The following MGST1 variants were observed in gnomAD, a reference collection of about 807,000 sequenced individuals.
The protein encoded by MGST1 is microsomal glutathione S-transferase 1.
MGST1 carries 5 observed loss-of-function variants against 8.9 expected under a neutral mutation model. The observed-to-expected ratio is 0.56, with a 90% confidence interval of 0.29 to 1.19. The LOEUF is 1.19. Among genes scored for constraint, MGST1 ranks in the 50% most tolerant of loss-of-function variants. The pLI is 0.08. For synonymous variants in MGST1, 54 were observed against 67.8 expected, an observed-to-expected ratio of 0.80 and a Z score of 1.00; for missense variants, 182 against 187.4, an observed-to-expected ratio of 0.97 and a Z score of 0.17.
At chr12:16,479,176 G>C (rs1414422456) in intron 4 of MGST1, among the ~76,000 whole-genome samples, 2 of 147,052 alleles carry the variant, frequency 1.4e-5, no homozygotes, top group Non-Finnish European at 3.0e-5. Flanking sequence ...CCCTTTTTAT[G>C]CTTGATAATA....
At chr12:16,387,570 A>G (rs1412373905) in intron 1 of MGST1, among the ~76,000 whole-genome samples, 1 of 147,820 alleles carries the variant, frequency 6.8e-6, no homozygotes, top group Non-Finnish European at 1.5e-5. Flanking sequence ...TCTGTTGCCC[A>G]GGCTGGAGTG....
intron 4 of MGST1, among the ~76,000 whole-genome samples, chr12:16,499,345 C>A (rs1411222272): frequency 1.3e-5 from 2 of 152,160 alleles, no homozygotes; most frequent in Non-Finnish European, 2.9e-5. Flanking sequence ...ATTTTTCAGG[C>A]AGTCTCTCTC....
intron 1 of MGST1, among the ~76,000 whole-genome samples, chr12:16,430,230 C>G (rs906034009): frequency 1.3e-5 from 2 of 152,150 alleles, no homozygotes; most frequent in African/African-American, 4.8e-5. Context: ...GTCGTTGCCT[C>G]CTCTACTGAA....
At chr12:16,358,006 C>T (rs1372391178) in intron 3 of MGST1, among the ~76,000 whole-genome samples, 1 of 152,146 alleles carries the variant, frequency 6.6e-6, no homozygotes, top group Non-Finnish European at 1.5e-5. Context: ...GGAGTTTTAT[C>T]GTCTTTGTCC....
intron 1 of MGST1, among the ~76,000 whole-genome samples, chr12:16,402,876 A>G (rs1940669481): frequency 6.6e-6 from 1 of 150,928 alleles, no homozygotes; most frequent in Admixed American, 6.6e-5. Flanking sequence ...TATAGAAAGA[A>G]GTATTGTGGG....
chr12:16,489,345 T>C (rs1591743441), intron 4 of MGST1, among the ~76,000 whole-genome samples: 1 of 152,092 alleles, frequency 6.6e-6, no homozygotes, highest in Middle Eastern at 3.2e-3. Flanking sequence ...TTGGACTTGG[T>C]TTTTGAGCGA....
rs139838014 is a variant in MGST1, at chr12:16,571,150, T to C, written n.483-18378T>C. Among the ~76,000 whole-genome samples, 4 of 152,224 alleles carry C rather than the reference T, an allele frequency of 2.6e-5. No homozygotes were observed. The East Asian group carries it at 7.7e-4, about 29-fold the overall frequency. Reference sequence around the variant, plus strand: ...TACTAATGTTTTCTTTTAAGGTAAGTAGCAGGGTTTGGGGCATTGTGTCAC... The same window carrying C: ...TACTAATGTTTTCTTTTAAGGTAAGCAGCAGGGTTTGGGGCATTGTGTCAC... On this transcript the variant is annotated intron_variant and non_coding_transcript_variant, in intron 4 of 4. Coordinates refer to the MGST1 transcript ENST00000538857.
chr12:16,452,335 G>T (rs1264476383), intron 4 of MGST1, among the ~76,000 whole-genome samples: 1 of 151,130 alleles, frequency 6.6e-6, no homozygotes, highest in Non-Finnish European at 1.5e-5. Context: ...TATACTAGTG[G>T]ATGCTCTCAA....
At chr12:16,494,952 AG>A (rs1276060309) in intron 4 of MGST1, among the ~76,000 whole-genome samples, 1 of 152,182 alleles carries the variant, frequency 6.6e-6, no homozygotes, top group Non-Finnish European at 1.5e-5. Flanking sequence ...ACCAGTGTAC[AG>A]CAACAAACAG....
Position 16,548,597 on chromosome 12 carries a change from A to G in MGST1, n.483-40931A>G, listed in dbSNP as rs1941875292. ...TTCGCTGCTCAGAAATCAAAGCTCC[A>G]TCGGAGGTGTCCTACTGGAGGCATC... On this transcript the variant is annotated intron_variant and non_coding_transcript_variant, in intron 4 of 4. Transcript: ENST00000538857. The surrounding 1 kb of genome is among the most constrained non-coding windows in gnomAD (Gnocchi z 4.2). 2.6e-5 allele frequency: 4 copies of G among 152,180 alleles called. No homozygotes were observed. The highest frequency in any genetic ancestry group is 2.6e-4 in the Admixed American group (4 of 15,272). The allele number at this position is 152,180 out of a possible 1,614,324, so 9.4% of individuals were successfully genotyped here.
chr12:16,490,552 T>A (rs1487807935), intron 4 of MGST1, among the ~76,000 whole-genome samples: 1 of 152,218 alleles, frequency 6.6e-6, no homozygotes, highest in Non-Finnish European at 1.5e-5. Context: ...AATCACTATA[T>A]ACTTGGCAGA....
At chr12:16,534,469 T>C (rs1941742376) in intron 4 of MGST1, among the ~76,000 whole-genome samples, 1 of 152,192 alleles carries the variant, frequency 6.6e-6, no homozygotes, top group Non-Finnish European at 1.5e-5. Context: ...TCATTTATCT[T>C]TTTATTGTGT....
chr12:16,570,055 A>T (rs1942761548), intron 4 of MGST1, among the ~76,000 whole-genome samples: 1 of 152,294 alleles, frequency 6.6e-6, no homozygotes. Flanking sequence ...CCCTTGATAT[A>T]GCTCAGGAAG....
intron 4 of MGST1, among the ~76,000 whole-genome samples, chr12:16,452,597 G>T (rs1328521502): frequency 6.6e-6 from 1 of 151,810 alleles, no homozygotes; most frequent in Non-Finnish European, 1.5e-5. Flanking sequence ...TCCAAGTACT[G>T]TGTTAAGTAT....
intron 1 of MGST1, among the ~76,000 whole-genome samples, chr12:16,421,033 T>G (rs918384048): frequency 6.6e-6 from 1 of 152,104 alleles, no homozygotes; most frequent in Non-Finnish European, 1.5e-5. Flanking sequence ...CTCTCTTCTC[T>G]CCTATCCTCT....
At chr12:16,436,119 G>T (rs1457358325) in intron 1 of MGST1, among the ~76,000 whole-genome samples, 1 of 151,808 alleles carries the variant, frequency 6.6e-6, no homozygotes, top group African/African-American at 2.4e-5. Flanking sequence ...TGGGAACTCA[G>T]CCTCTTCCAA....
At position 16,405,680 on chromosome 12, in the gene MGST1, C is replaced by T. The variant is rs550502320; in HGVS notation, n.778+22076C>T. ...AATCCTCAACAAAATACTAGCAAAC[C>T]GAATCCAACAGCACATCCAAAAGCT... On this transcript the variant is annotated intron_variant and non_coding_transcript_variant, in intron 1 of 1. Transcript: ENST00000359720. 7.9e-5 allele frequency among the ~76,000 whole-genome samples: 12 copies of T among 151,420 alleles called. No homozygotes were observed. The South Asian group carries it at 1.9e-3, about 24-fold the overall frequency.
Position 16,586,704 on chromosome 12 carries a change from C to G in MGST1, n.483-2824C>G, listed in dbSNP as rs1943334073. Among the ~76,000 whole-genome samples, 1 of 152,168 alleles carries G rather than the reference C, an allele frequency of 6.6e-6. No individual in the cohort carries two copies. The highest frequency in any genetic ancestry group is 1.5e-5 in the Non-Finnish European group (1 of 68,030). On this transcript the variant is annotated intron_variant and non_coding_transcript_variant, in intron 4 of 4. Transcript: ENST00000538857. The surrounding 1 kb of genome is among the most constrained non-coding windows in gnomAD (Gnocchi z 4.3). ...TTCAAGATACACATCTTTTGACCCCCCATTGCAGTAGATGATGTTTTTTTC... is the reference window on the plus strand; with the variant it reads ...TTCAAGATACACATCTTTTGACCCCGCATTGCAGTAGATGATGTTTTTTTC...
intron 3 of MGST1, among the ~76,000 whole-genome samples, chr12:16,359,412 C>G (rs1371666095): frequency 2.0e-5 from 3 of 152,214 alleles, no homozygotes; most frequent in Admixed American, 2.0e-4. Flanking sequence ...TGTGCAGATA[C>G]TTAGCACAAA....
Sources: gnomAD v4.1 joint callset for allele counts (sites outside exome capture counted in the v4.1 genomes callset) on GRCh38, gnomAD v4.1.1 for gene constraint, Gnocchi (gnomAD v3.1) non-coding constraint, MANE v1.5 for transcripts, NCBI Gene and HGNC (gene_info 2026-07-23, HGNC 2026-07-21) for gene names.